RDH11: variants seen among roughly 807,000 people sequenced by gnomAD.
RDH11 encodes HCV core-binding protein HCBP12.
Under a neutral mutation model 33.4 loss-of-function variants are expected in RDH11, and 19 were observed. The observed-to-expected ratio is 0.57, with a 90% CI of 0.40 to 0.83. RDH11 has a LOEUF of 0.83. Ranked by LOEUF, RDH11 falls within the 40% of genes least tolerant of loss-of-function variation. The pLI, the probability that RDH11 is intolerant of heterozygous loss-of-function variation, is 0.00. For synonymous variants in RDH11, 154 were observed against 155.3 expected, an observed-to-expected ratio of 0.99 and a Z score of 0.06; for missense variants, 353 against 389.0, an observed-to-expected ratio of 0.91 and a Z score of 0.78.
chr14:67,679,825 T>TA (rs1235967837), intron 6 of RDH11, among the ~76,000 whole-genome samples: 6 of 152,028 alleles, frequency 3.9e-5, no homozygotes, highest in South Asian at 2.1e-4. Flanking sequence ...GTCAAAGTTT[T>TA]AAAAAAAATG....
intron 4 of RDH11, 25 bp downstream of exon 4, chr14:67,691,115 T>C (rs1413142597): frequency 1.9e-6 from 3 of 1,541,550 alleles, no homozygotes; most frequent in Non-Finnish European, 2.7e-6. Context: ...TCTCTCTAGC[T>C]TTGTGATAAG....
chr14:67,678,723 C>T (rs1305537631), intron 6 of RDH11, among the ~76,000 whole-genome samples: 2 of 152,100 alleles, frequency 1.3e-5, no homozygotes, highest in African/African-American at 4.8e-5. Context: ...CTGCCTGACA[C>T]CCATGTATAT....
At chr14:67,678,494 A>G in intron 6 of RDH11, 71 bp from the exon 7 acceptor site, 1 of 1,019,376 alleles carries the variant, frequency 9.8e-7, no homozygotes. Context: ...GGGATAAGGA[A>G]TATGACATAA....
chr14:67,685,555 TCAAA>T (rs2037667824), intron 5 of RDH11, among the ~76,000 whole-genome samples: 1 of 152,100 alleles, frequency 6.6e-6, no homozygotes, highest in African/African-American at 2.4e-5. Flanking sequence ...ACTCCTGGCA[TCAAA>T]CAATCTTCCC....
intron 1 of RDH11, 122 bp downstream of exon 1, chr14:67,695,507 TG>T: frequency 2.1e-6 from 2 of 933,974 alleles, no homozygotes; most frequent in Non-Finnish European, 3.2e-6. Context: ...CACCGAACTC[TG>T]GGCTCCGCCA....
chr14:67,677,362 G>A lies in RDH11; in HGVS notation c.*959C>T, dbSNP rs775490684. ...GTTTTTTTTGTTTGTTTGTTTTTAG[G>A]ATTTTTTTTTTTTTTTTTTTTTTTT... is the stretch of plus-strand genomic sequence containing the variant. On this transcript the variant is annotated 3_prime_UTR_variant, in exon 7 of 7. Transcript: ENST00000381346. The A allele has an allele frequency of 3.8e-5, 1 of 26,278 alleles. No homozygotes were observed. The highest frequency in any genetic ancestry group is 1.1e-4 in the African/African-American group (1 of 9,230). 1.6% of individuals were successfully genotyped at this position (26,278 alleles called of 1,614,324 possible). A position where few individuals can be genotyped will look rare whatever the true frequency, so the allele number is the denominator to read the frequency against.
At chr14:67,690,669 T>A (rs2037737865) in intron 4 of RDH11, 2 of 483,146 alleles carry the variant, frequency 4.1e-6, no homozygotes, top group Non-Finnish European at 7.5e-6. Flanking sequence ...AGCTCATTCC[T>A]ACTTTGGTTA....
intron 3 of RDH11, chr14:67,692,179 G>A (rs2037758448): frequency 2.4e-6 from 1 of 420,386 alleles, no homozygotes; most frequent in Non-Finnish European, 4.3e-6. Flanking sequence ...AGCCTGTACT[G>A]AGTGCTGAGA....
At chr14:67,694,416 G>GA (rs2037797595) in intron 1 of RDH11, among the ~76,000 whole-genome samples, 1 of 149,316 alleles carries the variant, frequency 6.7e-6, no homozygotes, top group African/African-American at 2.5e-5. Context: ...GCTGAGTTGG[G>GA]AATACAGCTC....
intron 5 of RDH11, chr14:67,686,029 T>C (rs2037674278): frequency 6.6e-6 from 1 of 152,238 alleles, no homozygotes; most frequent in Non-Finnish European, 1.5e-5. Context: ...AAACATTAAA[T>C]GTTGGAGTTC....
In RDH11 at chr14:67,691,189, G is replaced by A. The variant is rs948157307; in HGVS notation, c.405C>T (p.Tyr135=). 5.6e-6 allele frequency: 9 copies of A among 1,613,966 alleles called. No homozygotes were observed. Among genetic ancestry groups the A allele is most frequent in the Non-Finnish European group, 7.6e-6 (9 of 1,179,988 alleles). The change falls in exon 4 of 7, where the codon TAC becomes TAT. Residue 135 remains tyrosine (Y), a synonymous_variant. Transcript: ENST00000381346. ...INNAGVMMCP[Y]SKTADGFEMH... is the part of the protein sequence containing the mutation. The stretch of plus-strand genomic sequence containing the variant: ...TCTCAAAGCCATCTGCTGTCTTCGA[G>A]TACGGACACATCATCACTCCTGCAT...
chr14:67,680,843 T>C (rs1277675741), intron 6 of RDH11, among the ~76,000 whole-genome samples: 2 of 152,210 alleles, frequency 1.3e-5, no homozygotes, highest in Non-Finnish European at 2.9e-5. Context: ...AGAATTAGTA[T>C]AGGTAAAAGA....
At position 67,687,921 on chromosome 14, in the gene RDH11, G is replaced by A. The variant is rs542262126; in HGVS notation, c.664+2291C>T. Among the ~76,000 whole-genome samples the A allele has an allele frequency of 1.4e-3, 216 of 151,890 alleles. 1 individual carries two copies. Among genetic ancestry groups the A allele is most frequent in the Admixed American group, 4.1e-3 (62 of 15,228 alleles). ...CCAGTAGCTAGGATTACAGGCGCCC[G>A]CCACCACACCTGGCTAATTTTTGTA... On this transcript the variant is annotated intron_variant, in intron 5 of 6. Transcript: ENST00000381346.
At chr14:67,690,180 C>T (rs767389336) in intron 5 of RDH11, 32 bp downstream of exon 5, 1 of 1,589,228 alleles carries the variant, frequency 6.3e-7, no homozygotes, top group Non-Finnish European at 8.6e-7. Flanking sequence ...CTCTCTGACT[C>T]ATGTCTCCAC....
At chr14:67,694,080 C>T (rs1004881137) in intron 1 of RDH11, among the ~76,000 whole-genome samples, 3 of 152,190 alleles carry the variant, frequency 2.0e-5, no homozygotes, top group Admixed American at 6.5e-5. Flanking sequence ...TTAAAACAAT[C>T]TGTTGACCAG....
At chr14:67,683,008 A>G (rs1285105593) in intron 6 of RDH11, among the ~76,000 whole-genome samples, 2 of 152,246 alleles carry the variant, frequency 1.3e-5, no homozygotes, top group African/African-American at 4.8e-5. Flanking sequence ...GATTCCATTT[A>G]TATGAAATGT....
At chr14:67,686,391 C>G (rs1374001983) in intron 5 of RDH11, 3 of 152,118 alleles carry the variant, frequency 2.0e-5, no homozygotes, top group East Asian at 1.9e-4. Context: ...ATAAGCCTAG[C>G]ATTTTGGGAG....
chr14:67,677,363 A>ATTTTTTTTTTTT lies in RDH11; in HGVS notation c.*946_*957dup, dbSNP rs71129846. The ATTTTTTTTTTTT allele has an allele frequency of 8.1e-4, 26 of 31,976 alleles. 1 individual carries two copies. Among genetic ancestry groups the ATTTTTTTTTTTT allele is most frequent in the Non-Finnish European group, 1.1e-3 (21 of 19,686 alleles). 2.0% of individuals were successfully genotyped at this position (31,976 alleles called of 1,614,324 possible). A position where few individuals can be genotyped will look rare whatever the true frequency, so the allele number is the denominator to read the frequency against. On this transcript the variant is annotated 3_prime_UTR_variant, in exon 7 of 7. Coordinates refer to ENST00000381346, the MANE Select transcript of RDH11 (RefSeq NM_016026.4). The stretch of plus-strand genomic sequence containing the variant: ...TTTTTTTTGTTTGTTTGTTTTTAGG[A>ATTTTTTTTTTTT]TTTTTTTTTTTTTTTTTTTTTTTTT...
chr14:67,686,374 C>G (rs910170948), intron 5 of RDH11: 1 of 151,608 alleles, frequency 6.6e-6, no homozygotes, highest in Admixed American at 6.6e-5. Context: ...CGTGGTGGCT[C>G]ACACCTATAA....
Sources: gnomAD v4.1 joint callset for allele counts (sites outside exome capture counted in the v4.1 genomes callset) on GRCh38, gnomAD v4.1.1 for gene constraint, MANE v1.5 for transcripts, NCBI Gene and HGNC (gene_info 2026-07-23, HGNC 2026-07-21) for gene names.